Variants in DST observed in about 807,000 individuals in gnomAD.
The protein encoded by DST is dystonin.
Under a neutral mutation model 875.2 loss-of-function variants are expected in DST, and 253 were observed. That is an observed-to-expected ratio of 0.29 (90% CI 0.26 to 0.32). The LOEUF (loss-of-function observed/expected upper bound fraction) is 0.32. Among genes scored for constraint, DST ranks in the 10% least tolerant of loss-of-function variants. The pLI is 1.00. For synonymous variants in DST, 3,124 were observed against 3,197.1 expected (o/e 0.98, Z 0.77); for missense variants, 8,287 against 9,111.6 (o/e 0.91, Z 3.68).
intron 61 of DST, among the ~76,000 whole-genome samples, chr6:56,537,645 G>A (rs934568118): frequency 6.6e-6 from 1 of 152,176 alleles, no homozygotes; most frequent in Non-Finnish European, 1.5e-5. Flanking sequence ...TACCAGCACA[G>A]CAACTCTGGT....
chr6:56,602,623 A>C (rs2098456587), intron 43 of DST, among the ~76,000 whole-genome samples: 1 of 151,972 alleles, frequency 6.6e-6, no homozygotes, highest in East Asian at 1.9e-4. Flanking sequence ...TGACTAACAC[A>C]TAAATAAATA....
intron 44 of DST, among the ~76,000 whole-genome samples, chr6:56,601,228 G>A (rs2098443053): frequency 6.6e-6 from 1 of 152,018 alleles, no homozygotes; most frequent in Admixed American, 6.6e-5. Context: ...TTGAAGTTAA[G>A]TATTTTTGGG....
rs1184610954 is a variant in DST at position 56,954,407 on chromosome 6, C to G, written c.181G>C (p.Asp61His). ...AGAAACCCGTCGCGGCGTGTCTTAC[C>G]TCGGCTTCTTGAACGACCCGAGAAG... is the stretch of plus-strand genomic sequence containing the variant. ...SVFSGRSRSR[D>H]AVLRSHHFRS... The change falls in exon 1 of 104, where the codon GAT (aspartate) becomes CAT (histidine). Residue 61 changes from aspartate (D) to histidine (H), a missense_variant and splice_region_variant. Asp to His is a moderately conservative substitution (Grantham distance 81). Coordinates refer to ENST00000680361, the MANE Select transcript of DST (RefSeq NM_001374736.1). 1 of 1,366,250 alleles carries G rather than the reference C, an allele frequency of 7.3e-7. No individual in the cohort carries two copies. Among genetic ancestry groups the G allele is most frequent in the Admixed American group, 1.9e-5 (1 of 52,428 alleles). 84.6% of individuals were successfully genotyped at this position (1,366,250 alleles called of 1,614,324 possible).
Position 56,594,211 on chromosome 6 carries a change from GATCAT to G in DST, c.12196-23_12196-19del. 6.7e-7 allele frequency: 1 copy of G among 1,503,598 alleles called. No individual in the cohort carries two copies. Among genetic ancestry groups the G allele is most frequent in the Non-Finnish European group, 8.8e-7 (1 of 1,134,098 alleles). The allele number at this position is 1,503,598 out of a possible 1,614,324, so 93.1% of individuals were successfully genotyped here. A position where few individuals can be genotyped will look rare whatever the true frequency, so the allele number is the denominator to read the frequency against. On this transcript the variant is annotated intron_variant, in intron 47 of 103. Transcript: ENST00000680361. ...TGTTGGGCCTATGTGAAAACAAATTGATCATAATCTTCAAGCAGTAACGGGGTAAC... is the reference window on the plus strand; with the variant it reads ...TGTTGGGCCTATGTGAAAACAAATTGAATCTTCAAGCAGTAACGGGGTAAC...
chr6:56,926,654 T>TC (rs1430731570), intron 2 of DST, among the ~76,000 whole-genome samples: 1 of 152,200 alleles, frequency 6.6e-6, no homozygotes, highest in Non-Finnish European at 1.5e-5. Context: ...TAACAGGTGT[T>TC]ATTCCACCTT....
chr6:56,468,917 T>A (rs2094728984), intron 98 of DST, 65 bp downstream of exon 98: 2 of 1,350,962 alleles, frequency 1.5e-6, no homozygotes, highest in Non-Finnish European at 2.1e-6. Flanking sequence ...CAAGCTTTAA[T>A]GACTATGAAT....
chr6:56,884,395 C>CT (rs1431544854), intron 3 of DST, among the ~76,000 whole-genome samples: 2 of 152,172 alleles, frequency 1.3e-5, no homozygotes, highest in Non-Finnish European at 2.9e-5. Flanking sequence ...ACATATTCCT[C>CT]TGTCACCTGT....
At chr6:56,650,370 C>T (rs1027834692) in intron 12 of DST, among the ~76,000 whole-genome samples, 11 of 133,424 alleles carry the variant, frequency 8.2e-5, no homozygotes, top group Middle Eastern at 3.6e-3. Context: ...GTGAGTTACA[C>T]AAACCTTTAA....
chr6:56,568,660 G>T, intron 54 of DST, 65 bp from the exon 55 acceptor site: 2 of 1,372,792 alleles, frequency 1.5e-6, no homozygotes, highest in Non-Finnish European at 2.0e-6. Context: ...TTATAATTCA[G>T]TTTCTTAAAC....
intron 4 of DST, among the ~76,000 whole-genome samples, chr6:56,765,471 T>C (rs1242600898): frequency 6.6e-6 from 1 of 152,116 alleles, no homozygotes; most frequent in African/African-American, 2.4e-5. Flanking sequence ...TGAATTCCAA[T>C]CAACCATAGT....
At chr6:56,541,092 C>T (rs2097119195) in intron 61 of DST, 1 of 152,624 alleles carries the variant, frequency 6.6e-6, no homozygotes, top group African/African-American at 2.4e-5. Flanking sequence ...GACATATCAG[C>T]AGGTTCAACA....
intron 102 of DST, chr6:56,461,564 A>G (rs2094331737): frequency 6.6e-6 from 1 of 152,174 alleles, no homozygotes. Flanking sequence ...GATTGTTTTG[A>G]TTTTATTTCA....
At chr6:56,692,958 G>A (rs2099241972) in intron 9 of DST, 1 of 1,289,650 alleles carries the variant, frequency 7.8e-7, no homozygotes, top group African/African-American at 1.5e-5. Flanking sequence ...AAGGCTGACT[G>A]CTGCTCTTCT....
chr6:56,500,981 TA>T, intron 80 of DST, 98 bp downstream of exon 80: 1 of 1,189,684 alleles, frequency 8.4e-7, no homozygotes, highest in Non-Finnish European at 1.1e-6. Flanking sequence ...GTCAAAATCA[TA>T]AACTTGAAAC....
Position 56,501,674 on chromosome 6 carries a change from T to C in DST, c.19586A>G (p.Tyr6529Cys), listed in dbSNP as rs781690789. The C allele has an allele frequency of 8.1e-6, 13 of 1,602,658 alleles. No homozygotes were observed. The highest frequency in any genetic ancestry group is 2.3e-5 in the East Asian group (1 of 44,212). ...TCTTTCCATTTCTATCTGCTGTTGA[T>C]AGGCCTCAGACTTAAATTGCTATTT... is the stretch of plus-strand genomic sequence containing the variant. ...EELKQFKSEA[Y>C]QQQIEMERLN... The change falls in exon 79 of 104, where the codon TAT becomes TGT. Residue 6529 changes from tyrosine (Y) to cysteine (C), a missense_variant. By Grantham distance (194) the Tyr-to-Cys change is radical. This residue lies in a region of DST where 1,292 missense variants were observed against 1,552.7 expected (regional missense o/e 0.83). Coordinates refer to ENST00000680361, the MANE Select transcript of DST (RefSeq NM_001374736.1).
chr6:56,486,148 G>A (rs996562703), intron 87 of DST, among the ~76,000 whole-genome samples: 2 of 152,078 alleles, frequency 1.3e-5, no homozygotes, highest in Middle Eastern at 3.4e-3. Context: ...CGGATCACGA[G>A]GTCAGGAGAT....
At chr6:56,610,588 A>T in intron 38 of DST, 26 bp from the exon 39 acceptor site, 1 of 1,554,922 alleles carries the variant, frequency 6.4e-7, no homozygotes, top group African/African-American at 1.4e-5. Context: ...TGATAAAAAG[A>T]CTAATGCAAG....
At chr6:56,585,068 G>A (rs1214472264) in intron 49 of DST, among the ~76,000 whole-genome samples, 1 of 152,074 alleles carries the variant, frequency 6.6e-6, no homozygotes, top group Admixed American at 6.5e-5. Context: ...TTTTGGTTGT[G>A]TCTCTGCCCG....
At chr6:56,466,636 TA>T (rs1390266136) in intron 98 of DST, 3 of 152,356 alleles carry the variant, frequency 2.0e-5, no homozygotes, top group Non-Finnish European at 4.4e-5. Flanking sequence ...TCTCTTACAG[TA>T]AAACCGTTTT....
Sources: gnomAD v4.1 joint callset for allele counts (sites outside exome capture counted in the v4.1 genomes callset) on GRCh38, gnomAD v4.1.1 for gene constraint, gnomAD v4.1.1 regional missense constraint, MANE v1.5 for transcripts, NCBI Gene and HGNC (gene_info 2026-07-23, HGNC 2026-07-21) for gene names.